Variants in RNF144A observed in about 807,000 individuals in gnomAD.
The protein encoded by RNF144A is ring finger protein 144A, also known as E3 ubiquitin-protein ligase RNF144A.
A neutral mutation model predicts 38.7 loss-of-function variants in RNF144A; 11 were observed. The observed-to-expected ratio is 0.28, with a 90% confidence interval of 0.18 to 0.47. The LOEUF (loss-of-function observed/expected upper bound fraction) is 0.47. Ranked by LOEUF, RNF144A falls within the 20% of genes least tolerant of loss-of-function variation. The probability of loss-of-function intolerance (pLI) is 0.99; values close to 1 mark genes in which losing one functional copy is unlikely to be tolerated. For synonymous variants in RNF144A, 149 were observed against 143.9 expected (o/e 1.04, Z -0.25); for missense variants, 316 against 377.2 (o/e 0.84, Z 1.34).
intron 6 of RNF144A, among the ~76,000 whole-genome samples, chr2:7,022,492 A>G (rs1354714749): frequency 1.3e-5 from 2 of 152,238 alleles, no homozygotes; most frequent in Admixed American, 6.5e-5. Flanking sequence ...AATTTTATGC[A>G]TAGCACAGTA....
intron 2 of RNF144A, among the ~76,000 whole-genome samples, chr2:6,990,021 C>T (rs1456473942): frequency 6.6e-6 from 1 of 152,126 alleles, no homozygotes; most frequent in African/African-American, 2.4e-5. Context: ...CATTTGTTAC[C>T]ATGAATGAAT....
At chr2:6,994,264 C>T (rs940118559) in intron 2 of RNF144A, among the ~76,000 whole-genome samples, 3 of 152,118 alleles carry the variant, frequency 2.0e-5, no homozygotes, top group Non-Finnish European at 1.5e-5. Context: ...CTTTTCCAGC[C>T]CTGACTGATT....
At chr2:6,976,746 G>A (rs1225577413) in intron 2 of RNF144A, among the ~76,000 whole-genome samples, 1 of 151,638 alleles carries the variant, frequency 6.6e-6, no homozygotes, top group Non-Finnish European at 1.5e-5. Flanking sequence ...TTTTGTGTGA[G>A]TATGTACTAC....
At position 6,953,413 on chromosome 2, in the gene RNF144A, G is replaced by T. The variant is rs562873796; in HGVS notation, c.-12+12266G>T. On this transcript the variant is annotated intron_variant, in intron 2 of 8. Coordinates refer to ENST00000320892, the MANE Select transcript of RNF144A (RefSeq NM_014746.6). The stretch of plus-strand genomic sequence containing the variant: ...CACTGCATTGCAGTCTGGGAAACAA[G>T]AGCAAAACTGCGTCTCAAAAAAAAT... 1.4e-3 allele frequency among the ~76,000 whole-genome samples: 208 copies of T among 152,224 alleles called. 1 individual carries two copies. The highest frequency in any genetic ancestry group is 4.7e-3 in the African/African-American group (196 of 41,562).
At chr2:6,964,635 C>A (rs2103335591) in intron 2 of RNF144A, among the ~76,000 whole-genome samples, 1 of 152,250 alleles carries the variant, frequency 6.6e-6, no homozygotes, top group East Asian at 1.9e-4. Flanking sequence ...GAATACTACG[C>A]AGCCATAAAA....
Position 7,040,488 on chromosome 2 carries a change from C to T in RNF144A, c.*728C>T, listed in dbSNP as rs750711619. The T allele has an allele frequency of 2.6e-5, 26 of 985,030 alleles. No homozygotes were observed. Among genetic ancestry groups the T allele is most frequent in the East Asian group, 2.3e-4 (2 of 8,830 alleles). 61.0% of individuals were successfully genotyped at this position (985,030 alleles called of 1,614,324 possible). A position where few individuals can be genotyped will look rare whatever the true frequency, so the allele number is the denominator to read the frequency against. On this transcript the variant is annotated 3_prime_UTR_variant, in exon 9 of 9. Coordinates refer to ENST00000320892, the MANE Select transcript of RNF144A (RefSeq NM_014746.6). ...TGTTGCATTTCCTTGATAATATTGA[C>T]GTGTTTAAAGGAACATCTCATCTCC...
At position 7,040,030 on chromosome 2, in the gene RNF144A, AC is replaced by A; in HGVS notation, c.*272del. On this transcript the variant is annotated 3_prime_UTR_variant, in exon 9 of 9. Coordinates refer to ENST00000320892, the MANE Select transcript of RNF144A (RefSeq NM_014746.6). ...GACAGGGAGGTGCTGTGAGAAGTGCACCAGGCAGCTTTCTCTCTGTGGTAGA... is the reference window on the plus strand; with the variant it reads ...GACAGGGAGGTGCTGTGAGAAGTGCACAGGCAGCTTTCTCTCTGTGGTAGA... 3.4e-6 allele frequency: 4 copies of A among 1,175,066 alleles called. No individual in the cohort carries two copies. The highest frequency in any genetic ancestry group is 4.2e-6 in the Non-Finnish European group (4 of 947,160). The allele number at this position is 1,175,066 out of a possible 1,614,324, so 72.8% of individuals were successfully genotyped here.
At chr2:6,994,567 C>T (rs1159364431) in intron 2 of RNF144A, among the ~76,000 whole-genome samples, 1 of 151,820 alleles carries the variant, frequency 6.6e-6, no homozygotes, top group Non-Finnish European at 1.5e-5. Context: ...TGAATATGAC[C>T]CTGGGGAGGA....
At chr2:7,034,458 C>T (rs1390180415) in intron 8 of RNF144A, among the ~76,000 whole-genome samples, 2 of 152,092 alleles carry the variant, frequency 1.3e-5, no homozygotes, top group African/African-American at 4.8e-5. Context: ...GAAATGAGTC[C>T]GTGTAAAGAG....
rs116489963 is a variant in RNF144A, at chr2:6,946,245, C to G, written c.-12+5098C>G. Among the ~76,000 whole-genome samples, 1,108 of 152,356 alleles carry G rather than the reference C, an allele frequency of 7.3e-3. 11 individuals carry two copies. The highest frequency in any genetic ancestry group is 0.026 in the African/African-American group (1,066 of 41,580). On this transcript the variant is annotated intron_variant, in intron 2 of 8. Transcript: ENST00000320892. ...ATTAAAGAAATATCGTGCCTGCTCT[C>G]AGACTTACAGCTTCATCAATAACTT...
chr2:6,918,225 C>T, intron 1 of RNF144A: 1 of 152,704 alleles, frequency 6.5e-6, no homozygotes. Context: ...CCACCGCGAG[C>T]CCTTTCCCGG....
chr2:7,013,939 TG>T (rs1447955040), intron 3 of RNF144A, among the ~76,000 whole-genome samples: 43 of 152,222 alleles, frequency 2.8e-4, no homozygotes, highest in Admixed American at 2.8e-3. Context: ...TGAGCAAGCT[TG>T]GGTTCACATC....
chr2:6,929,942 A>G (rs1665099201), intron 1 of RNF144A, among the ~76,000 whole-genome samples: 5 of 152,226 alleles, frequency 3.3e-5, no homozygotes, highest in Admixed American at 3.3e-4. Flanking sequence ...AAATAAATAT[A>G]AATCACGTTG....
At chr2:6,980,533 A>G (rs1304889359) in intron 2 of RNF144A, among the ~76,000 whole-genome samples, 1 of 152,234 alleles carries the variant, frequency 6.6e-6, no homozygotes, top group Non-Finnish European at 1.5e-5. Context: ...TTTTGATTCC[A>G]TGTCTCAAAT....
At chr2:6,981,876 A>C (rs1215483857) in intron 2 of RNF144A, among the ~76,000 whole-genome samples, 2 of 152,242 alleles carry the variant, frequency 1.3e-5, no homozygotes, top group Non-Finnish European at 2.9e-5. Flanking sequence ...TAATTTATGA[A>C]GAAAAAAGAT....
intron 8 of RNF144A, among the ~76,000 whole-genome samples, chr2:7,031,193 G>A (rs987902676): frequency 6.6e-6 from 1 of 152,136 alleles, no homozygotes; most frequent in African/African-American, 2.4e-5. Context: ...GGCCCTAGGT[G>A]TTAATGCCTG....
chr2:7,039,770 G>T lies in RNF144A; in HGVS notation c.*10G>T. 1 of 1,612,274 alleles carries T rather than the reference G, an allele frequency of 6.2e-7. No homozygotes were observed. Among genetic ancestry groups the T allele is most frequent in the South Asian group, 1.1e-5 (1 of 90,966 alleles). ...CCCGTTACCCACCTAGAGGAAGCGC[G>T]ATGCTGGAACACATCCCTGCCTCCG... On this transcript the variant is annotated 3_prime_UTR_variant, in exon 9 of 9. Transcript: ENST00000320892.
At chr2:7,047,237 G>A (rs116570931), downstream of RNF144A, among the ~76,000 whole-genome samples, 2,274 of 151,898 alleles carry the variant, frequency 0.015, 58 homozygotes, top group African/African-American at 0.052. Flanking sequence ...GAGCCTGTAT[G>A]AAGTACATGT....
At chr2:6,936,399 A>C (rs1307348927) in intron 1 of RNF144A, among the ~76,000 whole-genome samples, 1 of 152,026 alleles carries the variant, frequency 6.6e-6, no homozygotes, top group Non-Finnish European at 1.5e-5. Flanking sequence ...CTATAGATGC[A>C]TGTGTGTGTG....
Sources: gnomAD v4.1 joint callset for allele counts (sites outside exome capture counted in the v4.1 genomes callset) on GRCh38, gnomAD v4.1.1 for gene constraint, MANE v1.5 for transcripts, NCBI Gene and HGNC (gene_info 2026-07-23, HGNC 2026-07-21) for gene names.